FRMPD4: variants seen among roughly 807,000 people sequenced by gnomAD.
FRMPD4 encodes FERM and PDZ domain containing 4, also known as FERM and PDZ domain-containing protein 4.
FRMPD4 carries 22 observed loss-of-function variants against 94.1 expected under a neutral mutation model. The observed-to-expected ratio is 0.23, with a 90% CI of 0.17 to 0.33. The LOEUF is 0.33. Ranked by LOEUF, FRMPD4 falls within the 10% of genes least tolerant of loss-of-function variation. The pLI, the probability that FRMPD4 is intolerant of heterozygous loss-of-function variation, is 1.00. For synonymous variants in FRMPD4, 631 were observed against 548.6 expected (o/e 1.15, Z -2.10); for missense variants, 1,111 against 1,339.9 (o/e 0.83, Z 2.67).
chrX:12,294,466 G>GTACACACACACA (rs1384660519), intron 1 of FRMPD4, among the ~76,000 whole-genome samples: 45 of 16,438 alleles, frequency 2.7e-3, no homozygotes, highest in African/African-American at 0.019. Context: ...ACTCATAACT[G>GTACACACACACA]TACACACACA....
intron 2 of FRMPD4, among the ~76,000 whole-genome samples, chrX:12,598,428 T>A (rs1470449133): frequency 9.0e-6 from 1 of 111,539 alleles, no homozygotes; most frequent in African/African-American, 3.3e-5. Flanking sequence ...GAAGAATAAA[T>A]AACCCATCTC....
At chrX:12,179,523 G>A (rs1180072629) in intron 1 of FRMPD4, among the ~76,000 whole-genome samples, 2 of 111,599 alleles carry the variant, frequency 1.8e-5, no homozygotes, top group Non-Finnish European at 1.9e-5. Context: ...TGTAAATCTT[G>A]GCTGCATATC....
chrX:12,591,082 A>G (rs1179283938), intron 2 of FRMPD4, among the ~76,000 whole-genome samples: 5 of 111,856 alleles, frequency 4.5e-5, no homozygotes, highest in African/African-American at 1.6e-4. Flanking sequence ...AAAACAGTCA[A>G]ATATTTGTAT....
At chrX:12,597,692 T>G (rs1262403629) in intron 2 of FRMPD4, among the ~76,000 whole-genome samples, 1 of 112,615 alleles carries the variant, frequency 8.9e-6, no homozygotes, top group Non-Finnish European at 1.9e-5. Flanking sequence ...TTCCACTTTT[T>G]CCATTGATAA....
chrX:12,701,764 C>A, intron 9 of FRMPD4, 110 bp from the exon 10 acceptor site: 1 of 826,878 alleles, frequency 1.2e-6, no homozygotes, highest in Non-Finnish European at 1.7e-6. Flanking sequence ...GCCTCCTTGC[C>A]TGGGAAGTGA....
chrX:11,996,080 A>G (rs766827889), intron 3 of FRMPD4, among the ~76,000 whole-genome samples: 6 of 111,468 alleles, frequency 5.4e-5, no homozygotes, highest in Admixed American at 4.8e-4. Context: ...GCCAGGCATA[A>G]AGATTTGGTT....
chrX:12,508,489 A>G (rs185761603), intron 2 of FRMPD4, among the ~76,000 whole-genome samples: 19 of 112,208 alleles, frequency 1.7e-4, no homozygotes, highest in Non-Finnish European at 3.2e-4. Context: ...TGCCTAGAAT[A>G]TTGTCTGGGA....
Position 11,997,668 on chromosome X carries a change from C to CTTGGTCATCATA in FRMPD4, c.95+119652_95+119653insGGTCATCATATT, listed in dbSNP as rs1296908398. ...GAACAGAGGCTACCTAGGATATTCTCTTCTTATGGTCATCATAGGAGGGCA... is the reference window on the plus strand; with the variant it reads ...GAACAGAGGCTACCTAGGATATTCTCTTGGTCATCATATTCTTATGGTCATCATAGGAGGGCA... On this transcript the variant is annotated intron_variant, in intron 3 of 18. Transcript: ENST00000640291. Among the ~76,000 whole-genome samples the CTTGGTCATCATA allele has an allele frequency of 3.6e-5, 4 of 110,884 alleles. No individual in the cohort carries two copies. The East Asian group carries it at 1.1e-3, about 32-fold the overall frequency.
rs1344324800 is a variant in FRMPD4, at chrX:12,462,149, C to A, written c.42-36531C>A. Among the ~76,000 whole-genome samples, 5 of 111,983 alleles carry A rather than the reference C, an allele frequency of 4.5e-5. No homozygotes were observed. In the Admixed American group the frequency reaches 4.7e-4, roughly 11 times the overall value. ...TCATTCGCCAATGCAAGTCACTTGT[C>A]CAAGCCTGACTCCAATAGACTGAGG... On this transcript the variant is annotated intron_variant, in intron 1 of 16. Transcript: ENST00000675598.
chrX:11,980,509 CT>C (rs2054391753), intron 3 of FRMPD4, among the ~76,000 whole-genome samples: 1 of 111,638 alleles, frequency 9.0e-6, no homozygotes, highest in African/African-American at 3.3e-5. Context: ...CCTCTAACTT[CT>C]TAATTTTGTT....
At chrX:12,369,974 C>T (rs781637320) in intron 1 of FRMPD4, among the ~76,000 whole-genome samples, 55 of 112,089 alleles carry the variant, frequency 4.9e-4, no homozygotes, top group African/African-American at 1.7e-3. Context: ...TTTTTGCCTC[C>T]TCTCCAATAC....
intron 1 of FRMPD4, among the ~76,000 whole-genome samples, chrX:12,435,143 CTTACT>C (rs1402450929): frequency 2.7e-5 from 3 of 111,556 alleles, no homozygotes; most frequent in Non-Finnish European, 5.6e-5. Context: ...TAGATTCATG[CTTACT>C]TTATAGTTTT....
At chrX:12,121,105 C>A (rs767316704) in intron 3 of FRMPD4, among the ~76,000 whole-genome samples, 136 of 108,081 alleles carry the variant, frequency 1.3e-3, no homozygotes, top group African/African-American at 2.8e-3. Flanking sequence ...TTTTATAATA[C>A]TACTACTAAT....
rs190790454 is a variant in FRMPD4 at position 12,362,392 on chromosome X, T to A, written c.42-136288T>A. ...CCATGACAGGCCCCGGTGTGTGATG[T>A]TCCCCACCCTGTGTCCAAGTGTTCT... On this transcript the variant is annotated intron_variant, in intron 1 of 16. Coordinates refer to ENST00000675598, the MANE Select transcript of FRMPD4 (RefSeq NM_001368397.1). 1.4e-4 allele frequency among the ~76,000 whole-genome samples: 15 copies of A among 110,283 alleles called. No individual in the cohort carries two copies. In the Admixed American group the frequency reaches 1.4e-3, roughly 11 times the overall value.
intron 5 of FRMPD4, 28 bp downstream of exon 5, chrX:12,674,936 CT>C (rs771724249): frequency 9.3e-6 from 9 of 968,773 alleles, no homozygotes; most frequent in Non-Finnish European, 1.3e-5. Context: ...AAAAGTGCCA[CT>C]TAATGTTCTC....
intron 3 of FRMPD4, among the ~76,000 whole-genome samples, chrX:12,036,989 G>A (rs151266084): frequency 0.018 from 1,960 of 111,934 alleles, 19 homozygotes; most frequent in Middle Eastern, 0.055. Context: ...TCTTGGCTAA[G>A]TATCTTTGTG....
chrX:11,849,550 G>A lies in FRMPD4; in HGVS notation c.-160-15536G>A, dbSNP rs148208650. 2.3e-3 allele frequency among the ~76,000 whole-genome samples: 256 copies of A among 111,477 alleles called. 1 individual carries two copies. The highest frequency in any genetic ancestry group is 7.8e-3 in the African/African-American group (241 of 30,719). Reference sequence around the variant, plus strand: ...AAGCTACAGTAATCAAAACAGTGTGGTACTGTCATAAAGACAGACATGTGG... The same window carrying A: ...AAGCTACAGTAATCAAAACAGTGTGATACTGTCATAAAGACAGACATGTGG... On this transcript the variant is annotated intron_variant, in intron 1 of 18. Transcript: ENST00000640291.
chrX:12,007,571 T>C (rs2054560383), intron 3 of FRMPD4, among the ~76,000 whole-genome samples: 1 of 111,680 alleles, frequency 9.0e-6, no homozygotes, highest in South Asian at 3.8e-4. Flanking sequence ...ATGTGTCCTC[T>C]CAATCCTTTT....
rs58000218 is a variant in FRMPD4 at position 12,193,830 on chromosome X, G to GAAAA, written c.41+54818_41+54819insAAAA. Among the ~76,000 whole-genome samples the GAAAA allele has an allele frequency of 6.6e-4, 8 of 12,133 alleles. 2 individuals are homozygous for GAAAA. The highest frequency in any genetic ancestry group is 2.1e-3 in the Admixed American group (2 of 934). 10.5% of individuals were successfully genotyped at this position (12,133 alleles called of 115,157 possible). A position where few individuals can be genotyped will look rare whatever the true frequency, so the allele number is the denominator to read the frequency against. The stretch of plus-strand genomic sequence containing the variant: ...AGGAAGGAAGGAAGGAAGGAAGGAG[G>GAAAA]GAAGGAAGAAAGAAAAGAAAGAAAA... On this transcript the variant is annotated intron_variant, in intron 1 of 16. Coordinates refer to ENST00000675598, the MANE Select transcript of FRMPD4 (RefSeq NM_001368397.1).
Sources: gnomAD v4.1 joint callset for allele counts (sites outside exome capture counted in the v4.1 genomes callset) on GRCh38, gnomAD v4.1.1 for gene constraint, MANE v1.5 for transcripts, NCBI Gene and HGNC (gene_info 2026-07-23, HGNC 2026-07-21) for gene names.